Variants in ATP8A2 observed in about 807,000 individuals in gnomAD.
ATP8A2 encodes ATPase phospholipid transporting 8A2.
A neutral mutation model predicts 165.6 loss-of-function variants in ATP8A2; 100 were observed. That is an observed-to-expected ratio of 0.60 (90% confidence interval 0.51 to 0.71). The LOEUF is 0.71. ATP8A2 is among the 30% of genes least tolerant of loss of function. The probability of loss-of-function intolerance (pLI) is 0.00; values close to 1 mark genes in which losing one functional copy is unlikely to be tolerated. For synonymous variants in ATP8A2, 543 were observed against 548.8 expected (o/e 0.99, Z 0.15); for missense variants, 1,227 against 1,479.5 (o/e 0.83, Z 2.80).
At position 25,570,808 on chromosome 13, in the gene ATP8A2, C is replaced by T. The variant is rs760729981; in HGVS notation, c.1515C>T (p.Ala505=). Reference sequence around the variant, plus strand: ...TTCAGGAGTTCCTCACCCTTCTGGCCGTGTGCCACACGGTTGTTCCTGAGA... The same window carrying T: ...TTCAGGAGTTCCTCACCCTTCTGGCTGTGTGCCACACGGTTGTTCCTGAGA... The part of the protein sequence containing the change: ...PCIQEFLTLL[A]VCHTVVPEKD... The change falls in exon 17 of 37, where the codon GCC becomes GCT. Residue 505 remains alanine, a synonymous_variant. Transcript: ENST00000381655. The T allele has an allele frequency of 1.5e-5, 24 of 1,613,696 alleles. No homozygotes were observed. The highest frequency in any genetic ancestry group is 1.8e-5 in the Non-Finnish European group (21 of 1,179,690).
intron 33 of ATP8A2, among the ~76,000 whole-genome samples, chr13:25,938,009 G>C (rs74042213): frequency 0.01 from 1,572 of 152,142 alleles, 32 homozygotes; most frequent in African/African-American, 0.034. Flanking sequence ...TCAGTCAAAA[G>C]TATTCCTGTT....
At chr13:25,608,173 G>C (rs1231836063) in intron 24 of ATP8A2, among the ~76,000 whole-genome samples, 1 of 152,184 alleles carries the variant, frequency 6.6e-6, no homozygotes, top group South Asian at 2.1e-4. Flanking sequence ...TTGGCTTTTG[G>C]TGAAGGCTTT....
At position 25,963,421 on chromosome 13, in the gene ATP8A2, GA is replaced by G. The variant is rs1281578528; in HGVS notation, c.3272+1763del. Among the ~76,000 whole-genome samples, 1,305 of 148,950 alleles carry G rather than the reference GA, an allele frequency of 8.8e-3. 7 individuals carry two copies. The highest frequency in any genetic ancestry group is 0.022 in the Middle Eastern group (6 of 272). The stretch of plus-strand genomic sequence containing the variant: ...AAAAAAAAAAAAAAAGAAAAGAAAA[GA>G]AAAAGAAAAAGAAAAGAAAGAAAAT... On this transcript the variant is annotated intron_variant, in intron 34 of 36. Coordinates refer to ENST00000381655, the MANE Select transcript of ATP8A2 (RefSeq NM_016529.6).
intron 1 of ATP8A2, among the ~76,000 whole-genome samples, chr13:25,413,947 C>G (rs1490928825): frequency 2.0e-5 from 3 of 151,864 alleles, no homozygotes; most frequent in Admixed American, 1.3e-4. Context: ...GTTGGTGGCT[C>G]TTTTCCTGCC....
intron 33 of ATP8A2, among the ~76,000 whole-genome samples, chr13:25,890,253 A>C (rs940784361): frequency 1.3e-5 from 2 of 152,220 alleles, no homozygotes; most frequent in African/African-American, 4.8e-5. Context: ...AGCAGCTTCC[A>C]AATATATATC....
At chr13:25,729,580 C>T (rs1156988642) in intron 25 of ATP8A2, among the ~76,000 whole-genome samples, 1 of 152,266 alleles carries the variant, frequency 6.6e-6, no homozygotes, top group African/African-American at 2.4e-5. Context: ...GACTGTGTCG[C>T]GACACGTGTG....
intron 1 of ATP8A2, among the ~76,000 whole-genome samples, chr13:25,385,985 G>A (rs1454718411): frequency 2.0e-5 from 3 of 151,218 alleles, no homozygotes; most frequent in Non-Finnish European, 4.4e-5. Flanking sequence ...CGACCTTAGC[G>A]GTACACTGCA....
At chr13:25,452,075 G>C (rs962387207) in intron 1 of ATP8A2, among the ~76,000 whole-genome samples, 1 of 151,938 alleles carries the variant, frequency 6.6e-6, no homozygotes, top group Non-Finnish European at 1.5e-5. Context: ...GGATGGTCTC[G>C]ATCTCCTGAC....
chr13:25,615,927 T>C (rs768544034), intron 24 of ATP8A2, among the ~76,000 whole-genome samples: 8 of 152,160 alleles, frequency 5.3e-5, no homozygotes, highest in Admixed American at 1.3e-4. Flanking sequence ...ATCCACTCTC[T>C]TCCAAGGGTC....
At chr13:25,403,956 C>A (rs934798807) in intron 1 of ATP8A2, among the ~76,000 whole-genome samples, 1 of 152,112 alleles carries the variant, frequency 6.6e-6, no homozygotes, top group Non-Finnish European at 1.5e-5. Flanking sequence ...AGGAAGGGAT[C>A]CATGCATTCA....
chr13:25,655,307 C>T (rs1326712304), intron 24 of ATP8A2, among the ~76,000 whole-genome samples: 3 of 152,138 alleles, frequency 2.0e-5, no homozygotes, highest in African/African-American at 7.2e-5. Context: ...TTACAGGCAT[C>T]TGCCACCACG....
chr13:25,889,273 T>TATATATATATATATATAA (rs1359317042), intron 33 of ATP8A2, among the ~76,000 whole-genome samples: 1 of 141,184 alleles, frequency 7.1e-6, no homozygotes, highest in Non-Finnish European at 1.6e-5. Context: ...TATATATATA[T>TATATATATATATATATAA]AAAATTTAAA....
intron 35 of ATP8A2, among the ~76,000 whole-genome samples, chr13:25,991,688 A>G (rs1033813510): frequency 6.6e-6 from 1 of 152,142 alleles, no homozygotes. Context: ...CTTCCTGTTT[A>G]CTGCTGAGTA....
Position 25,641,191 on chromosome 13 carries a change from G to A in ATP8A2, c.2211+51492G>A, listed in dbSNP as rs1488907786. Among the ~76,000 whole-genome samples the A allele has an allele frequency of 2.0e-5, 3 of 152,148 alleles. No homozygotes were observed. The East Asian group carries it at 5.8e-4, about 29-fold the overall frequency. ...CTGGAAGCATTCCCTTTGAAAACTG[G>A]CACAAGACAGGGATGCCCTCTCTCA... is the stretch of plus-strand genomic sequence containing the variant. On this transcript the variant is annotated intron_variant, in intron 24 of 36. Transcript: ENST00000381655.
At chr13:25,473,710 T>C (rs2035912509) in intron 2 of ATP8A2, among the ~76,000 whole-genome samples, 1 of 152,176 alleles carries the variant, frequency 6.6e-6, no homozygotes, top group Non-Finnish European at 1.5e-5. Context: ...ACCACAAATT[T>C]ACTTTATATT....
chr13:25,540,862 G>T (rs1310423068), intron 8 of ATP8A2, among the ~76,000 whole-genome samples: 2 of 151,126 alleles, frequency 1.3e-5, no homozygotes, highest in African/African-American at 4.9e-5. Context: ...AGTCTTTTTT[G>T]GTTCTTTTTT....
At chr13:25,891,159 T>C (rs1037426448) in intron 33 of ATP8A2, among the ~76,000 whole-genome samples, 1 of 152,230 alleles carries the variant, frequency 6.6e-6, no homozygotes, top group Non-Finnish European at 1.5e-5. Context: ...ATAGATGCTG[T>C]GTGTTGCTCT....
chr13:25,974,534 T>C (rs927021274), intron 35 of ATP8A2, among the ~76,000 whole-genome samples: 1 of 151,958 alleles, frequency 6.6e-6, no homozygotes, highest in Non-Finnish European at 1.5e-5. Context: ...GCCTTTGGAT[T>C]ACAGCTTCAA....
At chr13:25,958,508 C>A (rs1482463751) in intron 33 of ATP8A2, among the ~76,000 whole-genome samples, 1 of 152,126 alleles carries the variant, frequency 6.6e-6, no homozygotes, top group Non-Finnish European at 1.5e-5. Context: ...GTCAGACAAA[C>A]CTCCAATCCT....
Sources: gnomAD v4.1 joint callset for allele counts (sites outside exome capture counted in the v4.1 genomes callset) on GRCh38, gnomAD v4.1.1 for gene constraint, MANE v1.5 for transcripts, NCBI Gene and HGNC (gene_info 2026-07-23, HGNC 2026-07-21) for gene names.